KDM6A: variants seen among roughly 807,000 people sequenced by gnomAD.
KDM6A encodes the protein lysine-specific demethylase 6A.
KDM6A carries 11 observed loss-of-function variants against 117.6 expected under a neutral mutation model. The ratio of observed to expected loss-of-function variants is 0.09; its 90% CI spans 0.06 to 0.15. The LOEUF (loss-of-function observed/expected upper bound fraction) is 0.15. Among genes scored for constraint, KDM6A ranks in the 10% least tolerant of loss-of-function variants. KDM6A has a pLI of 1.00. For synonymous variants in KDM6A, 384 were observed against 396.1 expected (o/e 0.97, Z 0.36); for missense variants, 799 against 1,077.3 (o/e 0.74, Z 3.62).
chrX:45,036,931 T>G (rs2042839237), intron 7 of KDM6A, among the ~76,000 whole-genome samples: 1 of 113,136 alleles, frequency 8.8e-6, no homozygotes, highest in Admixed American at 9.3e-5. Flanking sequence ...ATAAAACTGT[T>G]GAATTTGAAA....
chrX:44,902,911 G>A (rs1486017815), intron 2 of KDM6A, among the ~76,000 whole-genome samples: 1 of 111,674 alleles, frequency 9.0e-6, no homozygotes, highest in African/African-American at 3.3e-5. Flanking sequence ...AGGGCAAAGG[G>A]ATGAATAGCT....
At chrX:45,059,138 T>C (rs376920975) in intron 11 of KDM6A, 34 bp downstream of exon 11, 25 of 1,179,312 alleles carry the variant, frequency 2.1e-5, no homozygotes, top group Non-Finnish European at 2.9e-5. Context: ...AGTAATTTAA[T>C]TGATATACAA....
At position 45,088,529 on chromosome X, in the gene KDM6A, G is replaced by A. The variant is rs184895227; in HGVS notation, c.3705-1214G>A. Among the ~76,000 whole-genome samples, 507 of 113,526 alleles carry A rather than the reference G, an allele frequency of 4.5e-3. 1 individual carries two copies. The highest frequency in any genetic ancestry group is 0.015 in the African/African-American group (480 of 31,391). On this transcript the variant is annotated intron_variant, in intron 25 of 29. Transcript: ENST00000611820. ...ACAGGCAGTGGGCTGAATTTGGCCC[G>A]TGGGCCATAGTTTGCCAACCCTTGA... is the stretch of plus-strand genomic sequence containing the variant.
intron 8 of KDM6A, among the ~76,000 whole-genome samples, chrX:45,041,274 C>T (rs1213599499): frequency 2.3e-5 from 2 of 87,324 alleles, no homozygotes; most frequent in South Asian, 6.4e-4. Context: ...CCTCACCTCC[C>T]GGACTGGGCA....
intron 2 of KDM6A, among the ~76,000 whole-genome samples, chrX:44,907,877 G>A (rs1292953346): frequency 9.2e-6 from 1 of 108,260 alleles, no homozygotes; most frequent in Non-Finnish European, 1.9e-5. Context: ...GCTGCAAGAA[G>A]CATAAGCCTG....
At chrX:45,029,371 T>C (rs1031553660) in intron 6 of KDM6A, among the ~76,000 whole-genome samples, 4 of 109,372 alleles carry the variant, frequency 3.7e-5, no homozygotes, top group African/African-American at 1.3e-4. Flanking sequence ...GAGGCGGAGG[T>C]TGAAGTGAGC....
At chrX:44,906,751 T>C (rs1413713917) in intron 2 of KDM6A, among the ~76,000 whole-genome samples, 5 of 111,505 alleles carry the variant, frequency 4.5e-5, no homozygotes, top group Non-Finnish European at 9.4e-5. Flanking sequence ...CTTCAACTCC[T>C]GTCCTCAAGT....
intron 2 of KDM6A, among the ~76,000 whole-genome samples, chrX:44,885,287 A>G (rs1602051427): frequency 9.2e-6 from 1 of 109,004 alleles, no homozygotes; most frequent in Admixed American, 9.9e-5. Flanking sequence ...TTGGCCTCCA[A>G]AGTGCTGGGA....
rs373028986 is a variant in KDM6A, at chrX:45,082,572, A to G, written c.3301-4A>G. Reference sequence around the variant, plus strand: ...AACTAGACTGCTTTTTGCTTAATCTATAGGAAGAAAATGAAAAAAGAAGTC... The same window carrying G: ...AACTAGACTGCTTTTTGCTTAATCTGTAGGAAGAAAATGAAAAAAGAAGTC... On this transcript the variant is annotated splice_region_variant and splice_polypyrimidine_tract_variant and intron_variant, in intron 21 of 29. Transcript: ENST00000611820. 18 of 1,168,161 alleles carry G rather than the reference A, an allele frequency of 1.5e-5. No individual in the cohort carries two copies. In the African/African-American group the frequency reaches 2.1e-4, roughly 14 times the overall value.
Position 44,986,153 on chromosome X carries a change from A to C in KDM6A, c.384+11438A>C, listed in dbSNP as rs1453781065. 7.2e-5 allele frequency among the ~76,000 whole-genome samples: 8 copies of C among 111,228 alleles called. No individual in the cohort carries two copies. In the East Asian group the frequency reaches 2.3e-3, roughly 31 times the overall value. On this transcript the variant is annotated intron_variant, in intron 4 of 29. Transcript: ENST00000611820. ...TTAGTCTTGGGAGGGTGTATGTGTCAAGGAATTTATCCATTTCTTCTAGAT... is the reference window on the plus strand; with the variant it reads ...TTAGTCTTGGGAGGGTGTATGTGTCCAGGAATTTATCCATTTCTTCTAGAT...
chrX:44,882,236 A>G (rs866964170), intron 2 of KDM6A, among the ~76,000 whole-genome samples: 1 of 111,739 alleles, frequency 8.9e-6, no homozygotes, highest in African/African-American at 3.3e-5. Context: ...TTCAGAAAGT[A>G]TTGCAAATCA....
intron 4 of KDM6A, among the ~76,000 whole-genome samples, chrX:45,010,290 G>A (rs2041694067): frequency 1.8e-5 from 2 of 108,800 alleles, no homozygotes; most frequent in South Asian, 4.1e-4. Context: ...AGCTGTGATC[G>A]CGTTGGGGTG....
At position 44,881,431 on chromosome X, in the gene KDM6A, C is replaced by G. The variant is rs546415989; in HGVS notation, c.225+7444C>G. 1.3e-4 allele frequency among the ~76,000 whole-genome samples: 15 copies of G among 111,759 alleles called. 1 individual carries two copies. In the South Asian group the frequency reaches 5.6e-3, roughly 41 times the overall value. ...CTGGCGACAGAGCAAGACACCATCT[C>G]AAAAACAAAAAACAACAAAAAAACT... On this transcript the variant is annotated intron_variant, in intron 2 of 29. Coordinates refer to ENST00000611820, the MANE Select transcript of KDM6A (RefSeq NM_001291415.2).
At position 44,873,417 on chromosome X, in the gene KDM6A, C is replaced by T. The variant is rs2031032380; in HGVS notation, c.-135C>T. 1 of 942,349 alleles carries T rather than the reference C, an allele frequency of 1.1e-6. No individual in the cohort carries two copies. The highest frequency in any genetic ancestry group is 1.5e-6 in the Non-Finnish European group (1 of 688,428). 77.7% of individuals were successfully genotyped at this position (942,349 alleles called of 1,213,427 possible). On this transcript the variant is annotated 5_prime_UTR_variant, in exon 1 of 30. Transcript: ENST00000611820. ...CCGCCGCCGCGTTGGGATTTTTCGT[C>T]GCCGCCGCCCGCGGCGGAGGAGGAG...
chrX:45,027,336 A>AACACACACAC (rs200245833), intron 6 of KDM6A, among the ~76,000 whole-genome samples: 1,400 of 98,132 alleles, frequency 0.014, 31 homozygotes, highest in African/African-American at 0.047. Context: ...CATAGTGTGA[A>AACACACACAC]ACACACACAC....
chrX:44,971,801 G>A (rs944328109), intron 3 of KDM6A, among the ~76,000 whole-genome samples: 2 of 111,289 alleles, frequency 1.8e-5, no homozygotes, highest in African/African-American at 3.3e-5. Flanking sequence ...GGTAAAGTTT[G>A]TTTATGCTTC....
chrX:45,018,658 T>C (rs1188836042), intron 5 of KDM6A, among the ~76,000 whole-genome samples: 2 of 111,984 alleles, frequency 1.8e-5, no homozygotes, highest in Non-Finnish European at 3.8e-5. Context: ...TCCTTCTCCT[T>C]CTCTTCCTGA....
intron 3 of KDM6A, among the ~76,000 whole-genome samples, chrX:44,970,181 G>A (rs2039273417): frequency 8.9e-6 from 1 of 111,915 alleles, no homozygotes; most frequent in African/African-American, 3.2e-5. Flanking sequence ...TTTATAAAAT[G>A]TGTAAACGAG....
intron 2 of KDM6A, among the ~76,000 whole-genome samples, chrX:44,922,255 G>A (rs776268111): frequency 9.5e-6 from 1 of 105,701 alleles, no homozygotes; most frequent in South Asian, 4.4e-4. Context: ...TGTTGCCCAG[G>A]CTGGTCCAGG....
Sources: gnomAD v4.1 joint callset for allele counts (sites outside exome capture counted in the v4.1 genomes callset) on GRCh38, gnomAD v4.1.1 for gene constraint, MANE v1.5 for transcripts, NCBI Gene and HGNC (gene_info 2026-07-23, HGNC 2026-07-21) for gene names.